The following MAP7D2 variants were observed in gnomAD, a reference collection of about 807,000 sequenced individuals.
The protein encoded by MAP7D2 is MAP7 domain containing 2.
Under a neutral mutation model 63.5 loss-of-function variants are expected in MAP7D2, and 33 were observed. The ratio of observed to expected loss-of-function variants is 0.52; its 90% CI spans 0.39 to 0.70. The LOEUF (loss-of-function observed/expected upper bound fraction) is 0.70, where lower values mean the gene tolerates loss of function less well. Ranked by LOEUF, MAP7D2 falls within the 30% of genes least tolerant of loss-of-function variation. The pLI is 0.00. For synonymous variants in MAP7D2, 224 were observed against 223.7 expected, an observed-to-expected ratio of 1.00 and a Z score of -0.01; for missense variants, 626 against 604.0, an observed-to-expected ratio of 1.04 and a Z score of -0.38.
intron 2 of MAP7D2, among the ~76,000 whole-genome samples, chrX:20,063,906 C>A (rs779938568): frequency 8.9e-6 from 1 of 112,515 alleles, no homozygotes; most frequent in Non-Finnish European, 1.9e-5. Flanking sequence ...ATGACTATGA[C>A]GGCTGTCATT....
chrX:20,011,175 CAGAGTTTTTGTGTA>C (rs779814248), intron 15 of MAP7D2, 123 bp from the exon 16 acceptor site: 116 of 747,974 alleles, frequency 1.6e-4, no homozygotes, highest in Non-Finnish European at 2.1e-4. Flanking sequence ...GATTTAGAGT[CAGAGTTTTTGTGTA>C]ACACACTGTA....
intron 1 of MAP7D2, among the ~76,000 whole-genome samples, chrX:20,098,110 G>A (rs1033148200): frequency 4.5e-5 from 5 of 111,589 alleles, no homozygotes; most frequent in South Asian, 3.8e-4. Context: ...CTGGCTACAC[G>A]GATGATAAGC....
chrX:20,021,195 C>A (rs1450874046), intron 10 of MAP7D2, among the ~76,000 whole-genome samples: 2 of 111,650 alleles, frequency 1.8e-5, no homozygotes, highest in East Asian at 5.6e-4. Flanking sequence ...GGGGGCTGGG[C>A]CCTGTTGTGT....
chrX:20,011,629 T>C (rs1313414702), intron 15 of MAP7D2, among the ~76,000 whole-genome samples: 2 of 111,873 alleles, frequency 1.8e-5, no homozygotes, highest in Non-Finnish European at 3.8e-5. Context: ...ACGCCTGAAG[T>C]GCTCAGTTAA....
At chrX:20,035,828 G>T (rs2074208350) in intron 8 of MAP7D2, among the ~76,000 whole-genome samples, 1 of 110,685 alleles carries the variant, frequency 9.0e-6, no homozygotes, top group Non-Finnish European at 1.9e-5. Context: ...CAGGAGAATC[G>T]CTTGAACCTG....
intron 10 of MAP7D2, among the ~76,000 whole-genome samples, chrX:20,021,791 C>G (rs1345936923): frequency 8.9e-6 from 1 of 112,407 alleles, no homozygotes; most frequent in Admixed American, 9.4e-5. Flanking sequence ...AACTTCAAAT[C>G]TGCCCATTTC....
In MAP7D2 at chrX:20,044,212, G is replaced by C. The variant is rs377518131; in HGVS notation, c.879+152C>G. 31 of 587,757 alleles carry C rather than the reference G, an allele frequency of 5.3e-5. 1 individual carries two copies. The highest frequency in any genetic ancestry group is 3.7e-4 in the East Asian group (11 of 29,728). The allele number at this position is 587,757 out of a possible 1,213,427, so 48.4% of individuals were successfully genotyped here. On this transcript the variant is annotated intron_variant, in intron 7 of 16. Transcript: ENST00000379643. The stretch of plus-strand genomic sequence containing the variant: ...AAAGTTAAATGATTTTCAAAGGTTG[G>C]GTAAAATTTTGAACTAAATCTACCC...
At chrX:20,047,359 G>A (rs937039863) in intron 6 of MAP7D2, among the ~76,000 whole-genome samples, 1 of 112,106 alleles carries the variant, frequency 8.9e-6, no homozygotes, top group East Asian at 2.8e-4. Context: ...GTTCCTATGT[G>A]CGTGCCACGA....
chrX:20,094,842 G>A, intron 1 of MAP7D2, among the ~76,000 whole-genome samples: 1 of 106,473 alleles, frequency 9.4e-6, no homozygotes, highest in African/African-American at 3.4e-5. Context: ...CTCGCAAAGT[G>A]CTAGGATTAA....
intron 1 of MAP7D2, among the ~76,000 whole-genome samples, chrX:20,094,509 T>TAC (rs2066168415): frequency 1.1e-4 from 2 of 18,157 alleles, no homozygotes; most frequent in Non-Finnish European, 2.4e-4. Flanking sequence ...TATATATATA[T>TAC]ATATATGTAT....
chrX:20,019,592 A>C (rs1336940982), intron 10 of MAP7D2, among the ~76,000 whole-genome samples: 1 of 111,446 alleles, frequency 9.0e-6, no homozygotes, highest in Non-Finnish European at 1.9e-5. Flanking sequence ...ACACAAACTT[A>C]AACTTGAATT....
intron 1 of MAP7D2, among the ~76,000 whole-genome samples, chrX:20,088,902 C>T (rs955594372): frequency 2.7e-5 from 3 of 109,979 alleles, no homozygotes; most frequent in Non-Finnish European, 3.8e-5. Flanking sequence ...GGCACGATCT[C>T]GGCTCACTGC....
At chrX:20,073,197 T>A (rs1433114288) in intron 1 of MAP7D2, among the ~76,000 whole-genome samples, 6 of 111,706 alleles carry the variant, frequency 5.4e-5, no homozygotes, top group Non-Finnish European at 1.1e-4. Context: ...AATATCTAGA[T>A]GATATATCTG....
intron 1 of MAP7D2, among the ~76,000 whole-genome samples, chrX:20,070,128 T>C (rs1425278309): frequency 9.0e-6 from 1 of 110,851 alleles, no homozygotes; most frequent in Non-Finnish European, 1.9e-5. Context: ...TTTGTATTTT[T>C]AGTAGAGACG....
At chrX:20,095,691 T>C in intron 1 of MAP7D2, among the ~76,000 whole-genome samples, 2 of 112,062 alleles carry the variant, frequency 1.8e-5, no homozygotes, top group Middle Eastern at 9.1e-3. Context: ...TTATTCACAA[T>C]AGCCAAAAGG....
At chrX:20,028,135 G>A (rs1187552868) in intron 8 of MAP7D2, among the ~76,000 whole-genome samples, 1 of 111,877 alleles carries the variant, frequency 8.9e-6, no homozygotes, top group Non-Finnish European at 1.9e-5. Flanking sequence ...ACATATGTGT[G>A]TAAATGGTAT....
At chrX:20,081,478 A>G (rs1238226219) in intron 1 of MAP7D2, among the ~76,000 whole-genome samples, 1 of 111,021 alleles carries the variant, frequency 9.0e-6, no homozygotes. Context: ...AGCTGATTAT[A>G]TTGTCCTCAT....
intron 1 of MAP7D2, among the ~76,000 whole-genome samples, chrX:20,083,999 G>A (rs1351193753): frequency 9.0e-6 from 1 of 110,808 alleles, no homozygotes; most frequent in Non-Finnish European, 1.9e-5. Context: ...TCAGGGGTAC[G>A]AGACCAGCCT....
At chrX:20,010,641 T>C in intron 16 of MAP7D2, 136 bp downstream of exon 16, 2 of 487,167 alleles carry the variant, frequency 4.1e-6, no homozygotes, top group Non-Finnish European at 6.7e-6. Flanking sequence ...GTGTGTGTTG[T>C]AGTATACCAT....
Sources: gnomAD v4.1 joint callset for allele counts (sites outside exome capture counted in the v4.1 genomes callset) on GRCh38, gnomAD v4.1.1 for gene constraint, MANE v1.5 for transcripts, NCBI Gene and HGNC (gene_info 2026-07-23, HGNC 2026-07-21) for gene names.